The following SNTB1 variants were observed in gnomAD, a reference collection of about 807,000 sequenced individuals.
SNTB1 encodes beta-1-syntrophin.
A neutral mutation model predicts 48.9 loss-of-function variants in SNTB1; 36 were observed. The ratio of observed to expected loss-of-function variants is 0.74; its 90% CI spans 0.56 to 0.97. The LOEUF (loss-of-function observed/expected upper bound fraction) is 0.97, where lower values mean the gene tolerates loss of function less well. Among genes scored for constraint, SNTB1 ranks in the 50% least tolerant of loss-of-function variants. The probability of loss-of-function intolerance (pLI) is 0.00; values close to 1 mark genes in which losing one functional copy is unlikely to be tolerated. For synonymous variants in SNTB1, 299 were observed against 294.6 expected (o/e 1.01, Z -0.15); for missense variants, 786 against 703.4 (o/e 1.12, Z -1.33).
chr8:120,771,963 G>A (rs978790604), intron 1 of SNTB1, among the ~76,000 whole-genome samples: 32 of 150,498 alleles, frequency 2.1e-4, no homozygotes, highest in African/African-American at 6.6e-4. Flanking sequence ...TCCACCTCCC[G>A]GGCTCAAGCG....
chr8:120,639,630 T>C (rs558578149), intron 2 of SNTB1, among the ~76,000 whole-genome samples: 1 of 152,334 alleles, frequency 6.6e-6, no homozygotes, highest in Admixed American at 6.5e-5. Flanking sequence ...ATTTATTAAA[T>C]AGGGAATCCT....
intron 1 of SNTB1, among the ~76,000 whole-genome samples, chr8:120,788,152 A>G (rs1246743258): frequency 3.3e-5 from 5 of 152,162 alleles, no homozygotes; most frequent in African/African-American, 4.8e-5. Context: ...AAGAAGAAAT[A>G]TAGTCTTTTT....
chr8:120,554,563 A>G (rs1194977111), intron 4 of SNTB1, among the ~76,000 whole-genome samples: 2 of 152,184 alleles, frequency 1.3e-5, no homozygotes, highest in Non-Finnish European at 2.9e-5. Context: ...AACCACCACC[A>G]CTACGACTGC....
intron 4 of SNTB1, among the ~76,000 whole-genome samples, chr8:120,559,242 T>C (rs969369697): frequency 6.6e-6 from 1 of 152,204 alleles, no homozygotes; most frequent in African/African-American, 2.4e-5. Flanking sequence ...TGAATCTATC[T>C]TTAGTGACTG....
chr8:120,732,033 T>C (rs923212736), intron 1 of SNTB1, among the ~76,000 whole-genome samples: 1 of 152,222 alleles, frequency 6.6e-6, no homozygotes, highest in Non-Finnish European at 1.5e-5. Context: ...TTGGGCTCTT[T>C]TGAGGATGCT....
chr8:120,644,661 C>A (rs988961389), intron 2 of SNTB1, among the ~76,000 whole-genome samples: 8 of 151,870 alleles, frequency 5.3e-5, no homozygotes, highest in African/African-American at 1.9e-4. Flanking sequence ...GATTTATAGT[C>A]CTTTGGGTAT....
At chr8:120,768,214 G>A (rs1406138112) in intron 1 of SNTB1, among the ~76,000 whole-genome samples, 2 of 152,136 alleles carry the variant, frequency 1.3e-5, no homozygotes, top group Non-Finnish European at 2.9e-5. Flanking sequence ...TGATGTTACC[G>A]CAGTCTCCTA....
At chr8:120,765,246 C>CA (rs1819501552) in intron 1 of SNTB1, among the ~76,000 whole-genome samples, 1 of 151,850 alleles carries the variant, frequency 6.6e-6, no homozygotes, top group Non-Finnish European at 1.5e-5. Context: ...AAAACCAAAC[C>CA]AAAAAAACTG....
At chr8:120,706,343 G>C (rs565335420) in intron 1 of SNTB1, among the ~76,000 whole-genome samples, 1 of 152,154 alleles carries the variant, frequency 6.6e-6, no homozygotes, top group African/African-American at 2.4e-5. Flanking sequence ...ATAATCAACC[G>C]GATATACGAG....
intron 1 of SNTB1, among the ~76,000 whole-genome samples, chr8:120,734,132 G>A (rs1587122784): frequency 6.6e-6 from 1 of 152,274 alleles, no homozygotes; most frequent in Non-Finnish European, 1.5e-5. Context: ...GACCGAAGAA[G>A]TTCCTGCCTG....
At chr8:120,573,259 T>C (rs1357228170) in intron 4 of SNTB1, among the ~76,000 whole-genome samples, 1 of 152,232 alleles carries the variant, frequency 6.6e-6, no homozygotes, top group Non-Finnish European at 1.5e-5. Flanking sequence ...ACAATAGCCA[T>C]CCTAACACAC....
intron 2 of SNTB1, among the ~76,000 whole-genome samples, chr8:120,638,423 T>C (rs1817119690): frequency 6.6e-6 from 1 of 152,194 alleles, no homozygotes; most frequent in African/African-American, 2.4e-5. Flanking sequence ...TTTATTATTA[T>C]ACTTCAAGTT....
chr8:120,740,837 C>T (rs1411559981), intron 1 of SNTB1, among the ~76,000 whole-genome samples: 2 of 151,916 alleles, frequency 1.3e-5, no homozygotes, highest in Non-Finnish European at 1.5e-5. Context: ...AACTTTAACA[C>T]ATTCTATTAC....
At chr8:120,624,569 C>G (rs1816845600) in intron 3 of SNTB1, among the ~76,000 whole-genome samples, 1 of 152,164 alleles carries the variant, frequency 6.6e-6, no homozygotes, top group African/African-American at 2.4e-5. Flanking sequence ...AACACATGAA[C>G]TTTGGGGACA....
chr8:120,589,063 C>A (rs1247668367), intron 3 of SNTB1, among the ~76,000 whole-genome samples: 13 of 152,132 alleles, frequency 8.5e-5, no homozygotes, highest in Non-Finnish European at 1.6e-4. Context: ...TAAATAGATT[C>A]TTGAATCCCT....
chr8:120,735,359 G>A (rs1370063000), intron 1 of SNTB1, among the ~76,000 whole-genome samples: 1 of 152,124 alleles, frequency 6.6e-6, no homozygotes, highest in Non-Finnish European at 1.5e-5. Flanking sequence ...AGGGAGCAAG[G>A]TGACAAGATG....
intron 1 of SNTB1, among the ~76,000 whole-genome samples, chr8:120,735,206 G>A (rs1818923485): frequency 6.6e-6 from 1 of 152,190 alleles, no homozygotes; most frequent in Non-Finnish European, 1.5e-5. Context: ...TTGAATGTCA[G>A]CAAATTTTTG....
intron 1 of SNTB1, among the ~76,000 whole-genome samples, chr8:120,776,204 AT>A (rs1819734008): frequency 6.6e-6 from 1 of 152,294 alleles, no homozygotes; most frequent in African/African-American, 2.4e-5. Flanking sequence ...CCAATCCTCC[AT>A]TCTAGTCTCA....
intron 3 of SNTB1, among the ~76,000 whole-genome samples, chr8:120,623,550 T>A (rs1816825560): frequency 6.6e-6 from 1 of 152,226 alleles, no homozygotes; most frequent in Non-Finnish European, 1.5e-5. Flanking sequence ...TGCTCCCTAG[T>A]GCAACCCCAA....
Sources: allele counts gnomAD v4.1 joint callset (sites outside exome capture counted in the v4.1 genomes callset), GRCh38; gene constraint gnomAD v4.1.1; transcripts MANE v1.5; gene names NCBI Gene and HGNC (gene_info 2026-07-23, HGNC 2026-07-21).